The following ANKRD31 variants were observed in gnomAD, a reference collection of about 807,000 sequenced individuals.
The protein encoded by ANKRD31 is ankyrin repeat domain-containing protein 31.
A neutral mutation model predicts 186.0 loss-of-function variants in ANKRD31; 147 were observed. That is an observed-to-expected ratio of 0.79 (90% CI 0.69 to 0.91). The LOEUF (loss-of-function observed/expected upper bound fraction) is 0.91. Ranked by LOEUF, ANKRD31 falls within the 40% of genes least tolerant of loss-of-function variation. ANKRD31 has a pLI of 0.00. For synonymous variants in ANKRD31, 673 were observed against 736.4 expected, an observed-to-expected ratio of 0.91 and a Z score of 1.39; for missense variants, 1,986 against 2,148.8, an observed-to-expected ratio of 0.92 and a Z score of 1.50.
At chr5:75,141,700 T>A (rs1390387480) in intron 15 of ANKRD31, among the ~76,000 whole-genome samples, 1 of 151,768 alleles carries the variant, frequency 6.6e-6, no homozygotes, top group East Asian at 1.9e-4. Context: ...TACTGAGGGA[T>A]GCTGGGGTGG....
In ANKRD31 at chr5:75,172,378, A is replaced by AC. The variant is rs1460128392; in HGVS notation, c.1565-3258dup. 5.4e-5 allele frequency among the ~76,000 whole-genome samples: 8 copies of AC among 149,326 alleles called. No individual in the cohort carries two copies. In the South Asian group the frequency reaches 1.5e-3, roughly 28 times the overall value. On this transcript the variant is annotated intron_variant, in intron 10 of 25. Transcript: ENST00000506364. ...ATAAACTCTATTTAAAAAAAAAAAAACTCTGTAAATTAAGAATAGGCTCCT... is the reference window on the plus strand; with the variant it reads ...ATAAACTCTATTTAAAAAAAAAAAAACCTCTGTAAATTAAGAATAGGCTCCT...
At chr5:75,136,849 T>A (rs1380383740) in intron 17 of ANKRD31, among the ~76,000 whole-genome samples, 1 of 152,126 alleles carries the variant, frequency 6.6e-6, no homozygotes, top group Non-Finnish European at 1.5e-5. Flanking sequence ...AAAGGATGAG[T>A]TCATGTCCTT....
chr5:75,073,347 G>A (rs1423217174), intron 25 of ANKRD31, among the ~76,000 whole-genome samples: 3 of 151,544 alleles, frequency 2.0e-5, no homozygotes, highest in Non-Finnish European at 4.4e-5. Context: ...TGTTTTAAAG[G>A]GAGGACCAGA....
At chr5:75,102,933 A>G (rs528940260) in intron 22 of ANKRD31, among the ~76,000 whole-genome samples, 3 of 152,222 alleles carry the variant, frequency 2.0e-5, no homozygotes, top group African/African-American at 4.8e-5. Context: ...GGCTGCACGC[A>G]CTGTCCGATA....
rs112980553 is a variant in ANKRD31, at chr5:75,185,821, A to G, written c.1564+2672T>C. On this transcript the variant is annotated intron_variant, in intron 10 of 25. Coordinates refer to ENST00000506364, the MANE Select transcript of ANKRD31 (RefSeq NM_001372053.1). Reference sequence around the variant, plus strand: ...ATTATGTATGTTTATAATACACTATATATTATACATATAATTATAGTTATT... The same window carrying G: ...ATTATGTATGTTTATAATACACTATGTATTATACATATAATTATAGTTATT... 8.5e-3 allele frequency among the ~76,000 whole-genome samples: 1,288 copies of G among 151,766 alleles called. 19 individuals carry two copies. The highest frequency in any genetic ancestry group is 0.028 in the African/African-American group (1,179 of 41,434).
intron 17 of ANKRD31, among the ~76,000 whole-genome samples, chr5:75,126,366 C>T (rs1238005720): frequency 6.6e-6 from 1 of 152,096 alleles, no homozygotes; most frequent in African/African-American, 2.4e-5. Flanking sequence ...TGCTTGAACC[C>T]GGGAGGCAGA....
At chr5:75,132,820 G>A (rs1168055116) in intron 17 of ANKRD31, among the ~76,000 whole-genome samples, 2 of 152,112 alleles carry the variant, frequency 1.3e-5, no homozygotes, top group Admixed American at 6.5e-5. Flanking sequence ...TGGATCTCTT[G>A]GCAGAAACTC....
rs150371889 is a variant in ANKRD31 at position 75,227,860 on chromosome 5, T to G, written c.178+2702A>C. On this transcript the variant is annotated intron_variant, in intron 2 of 25. Transcript: ENST00000506364. ...ACCTCCTGTCTGATCAGCAGCAGCA[T>G]CAGATTCTCATAGGAGTGCAAACCC... Among the ~76,000 whole-genome samples the G allele has an allele frequency of 7.0e-4, 107 of 152,286 alleles. 1 individual carries two copies. Among genetic ancestry groups the G allele is most frequent in the African/African-American group, 2.1e-3 (86 of 41,558 alleles).
At chr5:75,125,230 C>T (rs909097426) in intron 17 of ANKRD31, among the ~76,000 whole-genome samples, 3 of 152,110 alleles carry the variant, frequency 2.0e-5, no homozygotes, top group African/African-American at 4.8e-5. Context: ...TCTGCAAAGA[C>T]TTTTGATAAA....
At chr5:75,127,765 C>A (rs935639152) in intron 17 of ANKRD31, among the ~76,000 whole-genome samples, 3 of 152,128 alleles carry the variant, frequency 2.0e-5, no homozygotes, top group African/African-American at 7.2e-5. Flanking sequence ...GCCATGAACA[C>A]AATATATCAC....
chr5:75,069,194 G>A (rs1744011129), intron 25 of ANKRD31, among the ~76,000 whole-genome samples: 1 of 152,110 alleles, frequency 6.6e-6, no homozygotes, highest in Admixed American at 6.5e-5. Flanking sequence ...TGATGATAAA[G>A]AGGGTTCCTT....
intron 17 of ANKRD31, among the ~76,000 whole-genome samples, chr5:75,133,139 C>G (rs1750018567): frequency 6.6e-6 from 1 of 152,150 alleles, no homozygotes; most frequent in African/African-American, 2.4e-5. Context: ...ACCATAATGA[C>G]AGGATCAAAT....
chr5:75,188,642 A>AT lies in ANKRD31; in HGVS notation c.1414dup (p.Met472AsnfsTer10), dbSNP rs1234144138. 2.6e-6 allele frequency: 4 copies of AT among 1,527,038 alleles called. No individual in the cohort carries two copies. In the East Asian group the frequency reaches 7.4e-5, roughly 28 times the overall value. The allele number at this position is 1,527,038 out of a possible 1,614,324, so 94.6% of individuals were successfully genotyped here. On this transcript the variant is annotated frameshift_variant, in exon 10 of 26. Coordinates refer to ENST00000506364, the MANE Select transcript of ANKRD31 (RefSeq NM_001372053.1). LOFTEE classifies it high-confidence loss of function. ...ATGAAGAGATATTTTGTTCACCTTC[A>AT]TTTTTTCTGAAATGAGGGAATGAAC...
intron 3 of ANKRD31, among the ~76,000 whole-genome samples, chr5:75,218,422 A>G (rs957630176): frequency 2.0e-5 from 3 of 152,222 alleles, no homozygotes; most frequent in African/African-American, 7.2e-5. Context: ...AAACAGACCA[A>G]TAATGAGCTC....
In ANKRD31 at chr5:75,146,842, G is replaced by T; in HGVS notation, c.2569C>A (p.Pro857Thr). ...TGGTGTTGTTCCTGGAGAGTGTGAGGCTGCTTATCTGTAGTAACAACTGGT... is the reference window on the plus strand; with the variant it reads ...TGGTGTTGTTCCTGGAGAGTGTGAGTCTGCTTATCTGTAGTAACAACTGGT... ...KLPVVTTDKQ[P>T]HTLQEQHHVL... Residue 857 changes from proline to threonine, a missense_variant, in exon 14 of 26, where the codon CCT becomes ACT. By Grantham distance (38) the Pro-to-Thr change is conservative. Transcript: ENST00000506364. 1 of 1,536,274 alleles carries T rather than the reference G, an allele frequency of 6.5e-7. No homozygotes were observed. The highest frequency in any genetic ancestry group is 8.7e-7 in the Non-Finnish European group (1 of 1,146,306).
intron 17 of ANKRD31, among the ~76,000 whole-genome samples, chr5:75,119,043 C>T (rs990816658): frequency 5.3e-5 from 8 of 152,070 alleles, no homozygotes; most frequent in African/African-American, 1.9e-4. Context: ...AAACCTAATA[C>T]CCATTTTAAT....
At chr5:75,233,789 G>C (rs1208044038) in intron 1 of ANKRD31, among the ~76,000 whole-genome samples, 1 of 151,852 alleles carries the variant, frequency 6.6e-6, no homozygotes, top group Non-Finnish European at 1.5e-5. Context: ...GGTGGTATGC[G>C]CCTGTAGTCC....
intron 22 of ANKRD31, among the ~76,000 whole-genome samples, chr5:75,100,281 T>G (rs1746731230): frequency 6.6e-6 from 1 of 152,250 alleles, no homozygotes; most frequent in South Asian, 2.1e-4. Flanking sequence ...CACTGTGGTC[T>G]GAGAGACAGT....
intron 9 of ANKRD31, among the ~76,000 whole-genome samples, chr5:75,189,553 T>A (rs1754965988): frequency 6.6e-6 from 1 of 152,192 alleles, no homozygotes; most frequent in African/African-American, 2.4e-5. Flanking sequence ...ACTTTGAGTC[T>A]ACATTCTTGT....
Sources: allele counts gnomAD v4.1 joint callset (sites outside exome capture counted in the v4.1 genomes callset), GRCh38; gene constraint gnomAD v4.1.1; transcripts MANE v1.5; gene names NCBI Gene and HGNC (gene_info 2026-07-23, HGNC 2026-07-21).